ACOT7: variants seen among roughly 807,000 people sequenced by gnomAD.
ACOT7 encodes the protein acyl-CoA thioesterase 7.
Under a neutral mutation model 40.2 loss-of-function variants are expected in ACOT7, and 12 were observed. The observed-to-expected ratio is 0.30, with a 90% CI of 0.19 to 0.48. The LOEUF (loss-of-function observed/expected upper bound fraction) is 0.48, where lower values mean the gene tolerates loss of function less well. Among genes scored for constraint, ACOT7 ranks in the 20% least tolerant of loss-of-function variants. The pLI is 0.99. For missense variants in ACOT7, 395 were observed against 530.8 expected (o/e 0.74, Z 2.51); for synonymous variants, 228 against 219.5 (o/e 1.04, Z -0.34).
At chr1:6,315,778 A>AG (rs1640474668) in intron 6 of ACOT7, among the ~76,000 whole-genome samples, 1 of 146,484 alleles carries the variant, frequency 6.8e-6, no homozygotes, top group Non-Finnish European at 1.5e-5. Flanking sequence ...AAAAAAAAAA[A>AG]AGAGAGAAGG....
At chr1:6,322,636 T>C (rs1404305699) in intron 5 of ACOT7, among the ~76,000 whole-genome samples, 1 of 152,230 alleles carries the variant, frequency 6.6e-6, no homozygotes, top group East Asian at 1.9e-4. Context: ...GGGTTGTTCC[T>C]CTGTGTGTGT....
Position 6,291,905 on chromosome 1 carries a change from G to C in ACOT7, c.829+2959C>G, listed in dbSNP as rs11806285. Among the ~76,000 whole-genome samples, 170 of 152,310 alleles carry C rather than the reference G, an allele frequency of 1.1e-3. 1 individual carries two copies. The highest frequency in any genetic ancestry group is 3.9e-3 in the African/African-American group (162 of 41,562). ...AGCCTCGCTCTGTTTCCCTACCAAG[G>C]GGCAAGCGTGGGAGGCAGCGAGCTG... On this transcript the variant is annotated intron_variant, in intron 7 of 8. Coordinates refer to ENST00000361521, the MANE Select transcript of ACOT7 (RefSeq NM_007274.4).
intron 7 of ACOT7, among the ~76,000 whole-genome samples, chr1:6,283,900 C>T (rs1639425343): frequency 6.6e-6 from 1 of 152,164 alleles, no homozygotes; most frequent in Non-Finnish European, 1.5e-5. Context: ...GAGGCTCAGG[C>T]GGGAGCATCG....
chr1:6,307,545 C>T (rs1640190297), intron 6 of ACOT7, among the ~76,000 whole-genome samples: 1 of 152,232 alleles, frequency 6.6e-6, no homozygotes, highest in Non-Finnish European at 1.5e-5. Flanking sequence ...TCTTCAGAGA[C>T]CTGGAGAAAA....
rs1337577705 is a variant in ACOT7, at chr1:6,329,994, G to A, written c.511-2581C>T. ...AAAGAAAAGACATCCTGCGCTAGAC[G>A]ACTGTGCGCATGGCCGGCAGCTGGG... is the stretch of plus-strand genomic sequence containing the variant. On this transcript the variant is annotated intron_variant, in intron 4 of 8. Coordinates refer to ENST00000361521, the MANE Select transcript of ACOT7 (RefSeq NM_007274.4). 3.3e-5 allele frequency among the ~76,000 whole-genome samples: 5 copies of A among 152,242 alleles called. No individual in the cohort carries two copies. In the East Asian group the frequency reaches 5.8e-4, roughly 18 times the overall value.
chr1:6,302,491 C>G (rs1355006713), intron 6 of ACOT7, among the ~76,000 whole-genome samples: 1 of 152,050 alleles, frequency 6.6e-6, no homozygotes, highest in Non-Finnish European at 1.5e-5. Context: ...CCCGAGAAGA[C>G]GGACCTGGCG....
chr1:6,375,052 C>A (rs538009189), intron 1 of ACOT7, among the ~76,000 whole-genome samples: 1 of 151,114 alleles, frequency 6.6e-6, no homozygotes, highest in Non-Finnish European at 1.5e-5. Flanking sequence ...CCGAGGCGGG[C>A]GGATCACAAG....
intron 1 of ACOT7, among the ~76,000 whole-genome samples, chr1:6,380,515 G>A (rs1248456687): frequency 6.6e-6 from 1 of 150,568 alleles, no homozygotes; most frequent in African/African-American, 2.4e-5. Flanking sequence ...CTTGAACCCA[G>A]GAGGCGAAGG....
chr1:6,332,122 AGCAG>A lies in ACOT7; in HGVS notation c.510+1351_510+1354del, dbSNP rs373139158. Among the ~76,000 whole-genome samples the A allele has an allele frequency of 2.2e-4, 34 of 152,352 alleles. 1 individual carries two copies. The South Asian group carries it at 6.4e-3, about 29-fold the overall frequency. On this transcript the variant is annotated intron_variant, in intron 4 of 8. Coordinates refer to ENST00000361521, the MANE Select transcript of ACOT7 (RefSeq NM_007274.4). ...CTCTATTGGGTCTGGAAGCAAAAAG[AGCAG>A]GCACCAATTCCTGACAATCTGGTTC...
chr1:6,365,153 G>A (rs539211804), intron 1 of ACOT7, among the ~76,000 whole-genome samples: 1 of 152,338 alleles, frequency 6.6e-6, no homozygotes, highest in East Asian at 1.9e-4. Context: ...AAACTTGGAG[G>A]AAACACAAAC....
intron 6 of ACOT7, among the ~76,000 whole-genome samples, chr1:6,314,742 C>T (rs1240625631): frequency 6.6e-6 from 1 of 152,172 alleles, no homozygotes; most frequent in African/African-American, 2.4e-5. Flanking sequence ...CTTCACATGC[C>T]CTTCAACCCA....
At chr1:6,340,205 A>G (rs1215783511) in intron 2 of ACOT7, among the ~76,000 whole-genome samples, 1 of 152,034 alleles carries the variant, frequency 6.6e-6, no homozygotes, top group Non-Finnish European at 1.5e-5. Flanking sequence ...TGACCTCGTG[A>G]TCCGCCCGCC....
intron 1 of ACOT7, among the ~76,000 whole-genome samples, chr1:6,351,310 C>A (rs927897282): frequency 6.6e-6 from 1 of 152,238 alleles, no homozygotes; most frequent in African/African-American, 2.4e-5. Context: ...TGTGGAGCGG[C>A]CGGCACGGCG....
At chr1:6,391,523 G>GT (rs1642533236) in intron 1 of ACOT7, among the ~76,000 whole-genome samples, 1 of 152,104 alleles carries the variant, frequency 6.6e-6, no homozygotes, top group African/African-American at 2.4e-5. Context: ...AAAAAATCTA[G>GT]TAACTGTTAG....
At chr1:6,319,377 G>C (rs949446135) in intron 5 of ACOT7, among the ~76,000 whole-genome samples, 1 of 152,132 alleles carries the variant, frequency 6.6e-6, no homozygotes, top group African/African-American at 2.4e-5. Flanking sequence ...GTTTTTAGTA[G>C]AGACAGGGTT....
At chr1:6,368,540 C>T (rs1642065140) in intron 1 of ACOT7, among the ~76,000 whole-genome samples, 1 of 151,120 alleles carries the variant, frequency 6.6e-6, no homozygotes, top group Non-Finnish European at 1.5e-5. Context: ...AATCATGCTG[C>T]TTCCCCACCA....
chr1:6,265,578 C>T (rs916534377), intron 8 of ACOT7, among the ~76,000 whole-genome samples: 4 of 150,458 alleles, frequency 2.7e-5, no homozygotes, highest in African/African-American at 4.9e-5. Context: ...TCATGCCTGT[C>T]GACGGGCTGC....
intron 1 of ACOT7, among the ~76,000 whole-genome samples, chr1:6,373,983 C>T (rs1463115844): frequency 6.6e-6 from 1 of 152,162 alleles, no homozygotes; most frequent in Admixed American, 6.5e-5. Flanking sequence ...GAAATTATTC[C>T]TGTATAACTC....
At chr1:6,339,870 G>A (rs1004857415) in intron 2 of ACOT7, among the ~76,000 whole-genome samples, 3 of 150,754 alleles carry the variant, frequency 2.0e-5, no homozygotes, top group Non-Finnish European at 4.4e-5. Flanking sequence ...CTCCCGAGTA[G>A]CTAGGACTAC....
Sources: allele counts gnomAD v4.1 joint callset (sites outside exome capture counted in the v4.1 genomes callset), GRCh38; gene constraint gnomAD v4.1.1; transcripts MANE v1.5; gene names NCBI Gene and HGNC (gene_info 2026-07-23, HGNC 2026-07-21).